The following NBEAL1 variants were observed in gnomAD, a reference collection of about 807,000 sequenced individuals.
NBEAL1 encodes the protein neurobeachin like 1.
Under a neutral mutation model 351.3 loss-of-function variants are expected in NBEAL1, and 273 were observed. The observed-to-expected ratio is 0.78, with a 90% CI of 0.70 to 0.86. The LOEUF is 0.86. NBEAL1 is among the 40% of genes least tolerant of loss of function. The pLI, the probability that NBEAL1 is intolerant of heterozygous loss-of-function variation, is 0.00. For missense variants in NBEAL1, 2,961 were observed against 3,201.3 expected (o/e 0.92, Z 1.81); for synonymous variants, 1,050 against 1,086.4 (o/e 0.97, Z 0.66).
intron 3 of NBEAL1, among the ~76,000 whole-genome samples, chr2:203,049,180 G>A (rs1350841543): frequency 1.3e-5 from 2 of 151,978 alleles, no homozygotes; most frequent in African/African-American, 4.8e-5. Flanking sequence ...TAACCTATAG[G>A]ATAATTACAC....
chr2:203,218,847 G>T lies in NBEAL1; in HGVS notation c.*1493G>T, dbSNP rs2065923618. 1 of 152,116 alleles carries T rather than the reference G, an allele frequency of 6.6e-6. No homozygotes were observed. The highest frequency in any genetic ancestry group is 1.9e-4 in the East Asian group (1 of 5,202). The allele number at this position is 152,116 out of a possible 1,614,324, so 9.4% of individuals were successfully genotyped here. A position where few individuals can be genotyped will look rare whatever the true frequency, so the allele number is the denominator to read the frequency against. On this transcript the variant is annotated 3_prime_UTR_variant, in exon 56 of 56. Transcript: ENST00000683969. ...TCAGGGCTAATAAAAAGCTATAGAA[G>T]AATTTTCTTTCCAATAAGTAAAAAT...
At chr2:203,204,487 C>G (rs1288345761) in intron 51 of NBEAL1, among the ~76,000 whole-genome samples, 4 of 151,820 alleles carry the variant, frequency 2.6e-5, no homozygotes, top group Admixed American at 2.6e-4. Context: ...TGCACCACCA[C>G]GCCTGGCTAG....
rs778033190 is a variant in NBEAL1, at chr2:203,135,928, G to A, written c.4065G>A (p.Ser1355=). 19 of 1,614,010 alleles carry A rather than the reference G, an allele frequency of 1.2e-5. No homozygotes were observed. Among genetic ancestry groups the A allele is most frequent in the Admixed American group, 1.7e-5 (1 of 59,996 alleles). Residue 1355 remains serine (S), a synonymous_variant, in exon 28 of 56, where the codon TCG becomes TCA. Transcript: ENST00000683969. ...CTTTTGCCTCAGCTAATGTGTCTTC[G>A]GATCAGTGGAGTTTGGAGGATAGAC... is the stretch of plus-strand genomic sequence containing the variant. The part of the protein sequence containing the change: ...ITSFASANVS[S]DQWSLEDRHS...
Position 203,127,811 on chromosome 2 carries a change from AGAT to A in NBEAL1, c.3283_3285del (p.Asp1095del), listed in dbSNP as rs746496923. The A allele has an allele frequency of 1.3e-6, 2 of 1,518,842 alleles. No individual in the cohort carries two copies. The highest frequency in any genetic ancestry group is 1.4e-5 in the African/African-American group (1 of 72,556). The allele number at this position is 1,518,842 out of a possible 1,614,324, so 94.1% of individuals were successfully genotyped here. A position where few individuals can be genotyped will look rare whatever the true frequency, so the allele number is the denominator to read the frequency against. On this transcript the variant is annotated inframe_deletion, in exon 24 of 56. Transcript: ENST00000683969. Reference sequence around the variant, plus strand: ...GTTGTAAATATAATGAACTATCTCTAGATGATATTCGAACAATAAGGACTTCTT... The same window carrying A: ...GTTGTAAATATAATGAACTATCTCTAGATATTCGAACAATAAGGACTTCTT...
At chr2:203,079,985 T>G (rs1193235180) in intron 8 of NBEAL1, among the ~76,000 whole-genome samples, 1 of 152,236 alleles carries the variant, frequency 6.6e-6, no homozygotes. Context: ...TTTGAGAGAG[T>G]GTAATCTTCA....
intron 18 of NBEAL1, among the ~76,000 whole-genome samples, chr2:203,117,481 A>G (rs1031843721): frequency 2.6e-5 from 4 of 152,124 alleles, no homozygotes; most frequent in African/African-American, 9.7e-5. Context: ...AAAAATGTAT[A>G]ATCTCACAAA....
chr2:203,049,644 T>C (rs1395463257), intron 3 of NBEAL1, among the ~76,000 whole-genome samples, 170 bp from the exon 4 acceptor site: 1 of 152,212 alleles, frequency 6.6e-6, no homozygotes, highest in Non-Finnish European at 1.5e-5. Flanking sequence ...CTAATCTAGT[T>C]ACTAATCATC....
chr2:203,078,164 G>A (rs949070192), intron 8 of NBEAL1, among the ~76,000 whole-genome samples: 3 of 152,092 alleles, frequency 2.0e-5, no homozygotes, highest in African/African-American at 4.8e-5. Context: ...TCGAAGTCTA[G>A]TAGTTTGGTT....
At chr2:203,214,227 A>G (rs1214053679) in intron 55 of NBEAL1, among the ~76,000 whole-genome samples, 1 of 152,224 alleles carries the variant, frequency 6.6e-6, no homozygotes, top group Non-Finnish European at 1.5e-5. Context: ...TGATTCTTCC[A>G]AATAATTTGT....
chr2:203,204,076 G>A (rs1263627869), intron 51 of NBEAL1, among the ~76,000 whole-genome samples: 4 of 151,206 alleles, frequency 2.6e-5, no homozygotes, highest in East Asian at 1.9e-4. Context: ...CTACAAGCGC[G>A]TGCCACCATG....
Position 203,218,157 on chromosome 2 carries a change from C to A in NBEAL1, c.*803C>A. On this transcript the variant is annotated 3_prime_UTR_variant, in exon 56 of 56. Coordinates refer to ENST00000683969, the MANE Select transcript of NBEAL1 (RefSeq NM_001378026.1). ...TTCACTAAGCAAATACTGTTTTACT[C>A]TAATAATTAAGAGTTAGTAGTACCC... 6.3e-6 allele frequency: 1 copy of A among 159,372 alleles called. No homozygotes were observed. Among genetic ancestry groups the A allele is most frequent in the Non-Finnish European group, 1.3e-5 (1 of 74,618 alleles). The allele number at this position is 159,372 out of a possible 1,614,324, so 9.9% of individuals were successfully genotyped here. A position where few individuals can be genotyped will look rare whatever the true frequency, so the allele number is the denominator to read the frequency against.
chr2:203,206,464 G>A (rs750484986), intron 51 of NBEAL1, among the ~76,000 whole-genome samples: 2 of 151,640 alleles, frequency 1.3e-5, no homozygotes, highest in Non-Finnish European at 2.9e-5. Context: ...CTCTGATGCC[G>A]AGCCAAAGCT....
chr2:203,046,723 A>G (rs2061232648), intron 3 of NBEAL1, among the ~76,000 whole-genome samples: 1 of 152,184 alleles, frequency 6.6e-6, no homozygotes, highest in African/African-American at 2.4e-5. Flanking sequence ...CAGTAATCCC[A>G]TCCATGAGGG....
intron 4 of NBEAL1, among the ~76,000 whole-genome samples, chr2:203,053,735 C>A (rs184609909): frequency 1.3e-5 from 2 of 152,048 alleles, no homozygotes; most frequent in East Asian, 3.9e-4. Context: ...CCAGGCTGGT[C>A]TCTAACTCCT....
chr2:203,073,644 CCT>C (rs2061717997), intron 7 of NBEAL1, among the ~76,000 whole-genome samples: 2 of 151,842 alleles, frequency 1.3e-5, no homozygotes, highest in Admixed American at 1.3e-4. Context: ...ATAGTGAGAC[CCT>C]GTCTCTTAAA....
At chr2:203,145,914 A>G (rs1188711635) in intron 33 of NBEAL1, among the ~76,000 whole-genome samples, 2 of 152,024 alleles carry the variant, frequency 1.3e-5, no homozygotes, top group Non-Finnish European at 2.9e-5. Flanking sequence ...TTGAAATCAG[A>G]AAAATAATAG....
In NBEAL1 at chr2:203,222,546, A is replaced by T. The variant is rs1405494064; in HGVS notation, c.*5192A>T. Among the ~76,000 whole-genome samples the T allele has an allele frequency of 1.3e-5, 2 of 152,172 alleles. No individual in the cohort carries two copies. The highest frequency in any genetic ancestry group is 2.9e-5 in the Non-Finnish European group (2 of 68,022). On this transcript the variant is annotated 3_prime_UTR_variant, in exon 56 of 56. Transcript: ENST00000683969. ...TTTTGCCTGCCACAAAAACAACAAA[A>T]TCTCCTTTCAATTGAGTTATTTTTA...
chr2:203,171,658 T>C (rs948174814), intron 39 of NBEAL1, among the ~76,000 whole-genome samples: 1 of 133,506 alleles, frequency 7.5e-6, no homozygotes, highest in Non-Finnish European at 1.6e-5. Flanking sequence ...ATAAAACATG[T>C]AATTGAAGAA....
intron 50 of NBEAL1, among the ~76,000 whole-genome samples, chr2:203,202,245 T>C (rs909389190): frequency 6.6e-6 from 1 of 152,148 alleles, no homozygotes; most frequent in Non-Finnish European, 1.5e-5. Flanking sequence ...ACGTCTGCAG[T>C]TTAGGAAAAA....
Sources: gnomAD v4.1 joint callset for allele counts (sites outside exome capture counted in the v4.1 genomes callset) on GRCh38, gnomAD v4.1.1 for gene constraint, MANE v1.5 for transcripts, NCBI Gene and HGNC (gene_info 2026-07-23, HGNC 2026-07-21) for gene names.